Variants in GRIN2A observed in about 807,000 individuals in gnomAD.
GRIN2A encodes the protein glutamate receptor ionotropic, NMDA 2A.
A neutral mutation model predicts 113.4 loss-of-function variants in GRIN2A; 22 were observed. The observed-to-expected ratio is 0.19, with a 90% CI of 0.14 to 0.28. The LOEUF is 0.28. GRIN2A is among the 10% of genes least tolerant of loss of function. The pLI, the probability that GRIN2A is intolerant of heterozygous loss-of-function variation, is 1.00. For synonymous variants in GRIN2A, 827 were observed against 738.4 expected, an observed-to-expected ratio of 1.12 and a Z score of -1.94; for missense variants, 1,502 against 1,887.0, an observed-to-expected ratio of 0.80 and a Z score of 3.78.
intron 2 of GRIN2A, among the ~76,000 whole-genome samples, chr16:10,109,427 T>C (rs773504874): frequency 1.3e-5 from 2 of 151,942 alleles, no homozygotes; most frequent in African/African-American, 2.4e-5. Context: ...GTTATGAGGA[T>C]AGTATTACCC....
At chr16:9,926,355 G>A (rs911876185) in intron 3 of GRIN2A, among the ~76,000 whole-genome samples, 3 of 152,164 alleles carry the variant, frequency 2.0e-5, no homozygotes, top group Non-Finnish European at 2.9e-5. Context: ...GATTAGAGGC[G>A]CCTCTCCAAT....
At chr16:9,881,681 T>C (rs1053542899) in intron 4 of GRIN2A, among the ~76,000 whole-genome samples, 8 of 152,200 alleles carry the variant, frequency 5.3e-5, no homozygotes, top group Non-Finnish European at 8.8e-5. Flanking sequence ...GCCTCTGCTA[T>C]TGAATACCAG....
intron 2 of GRIN2A, among the ~76,000 whole-genome samples, chr16:9,967,982 G>A (rs1042322562): frequency 1.3e-5 from 2 of 152,132 alleles, no homozygotes; most frequent in South Asian, 2.1e-4. Flanking sequence ...TTATGACTGC[G>A]GTTGGAATTC....
chr16:9,948,743 G>T (rs1048545430), intron 2 of GRIN2A, among the ~76,000 whole-genome samples: 12 of 152,310 alleles, frequency 7.9e-5, no homozygotes, highest in African/African-American at 2.9e-4. Context: ...CTCACTCCTG[G>T]GAGAGAACTG....
At chr16:10,001,086 T>C (rs1047153857) in intron 2 of GRIN2A, among the ~76,000 whole-genome samples, 1 of 152,178 alleles carries the variant, frequency 6.6e-6, no homozygotes, top group Non-Finnish European at 1.5e-5. Flanking sequence ...ACCTTACCCG[T>C]GGGCCCCAAT....
At chr16:9,916,420 C>T (rs955686781) in intron 3 of GRIN2A, among the ~76,000 whole-genome samples, 4 of 152,116 alleles carry the variant, frequency 2.6e-5, no homozygotes, top group East Asian at 1.9e-4. Context: ...CTGAATCTGC[C>T]GGCACGTATA....
chr16:10,181,372 G>C (rs148390490), intron 1 of GRIN2A, among the ~76,000 whole-genome samples: 4 of 152,218 alleles, frequency 2.6e-5, no homozygotes, highest in African/African-American at 4.8e-5. Context: ...CCAGACGGAC[G>C]TGGACTGTAC....
At chr16:10,063,777 T>C (rs1004991192) in intron 2 of GRIN2A, among the ~76,000 whole-genome samples, 8 of 152,000 alleles carry the variant, frequency 5.3e-5, no homozygotes, top group Non-Finnish European at 1.2e-4. Flanking sequence ...GTCAAAATAA[T>C]AAAAAAGAAC....
chr16:9,963,302 A>G (rs968543613), intron 2 of GRIN2A, among the ~76,000 whole-genome samples: 6 of 152,102 alleles, frequency 3.9e-5, no homozygotes, highest in Admixed American at 3.9e-4. Context: ...TCCAGGATAC[A>G]TGTGTAGCAT....
rs2142393828 is a variant in GRIN2A at position 10,180,952 on chromosome 16, C to T, written c.-18-523G>A. ...CAGACCCCGCGTCCCAGCTTGAGAG[C>T]TCAGCTAGTTGGCTGACCCCGCCCC... is the stretch of plus-strand genomic sequence containing the variant. On this transcript the variant is annotated intron_variant, in intron 1 of 12. Coordinates refer to ENST00000330684, the MANE Select transcript of GRIN2A (RefSeq NM_001134407.3). The surrounding 1 kb of genome is among the most constrained non-coding windows in gnomAD (Gnocchi z 7.0). Among the ~76,000 whole-genome samples, 1 of 152,290 alleles carries T rather than the reference C, an allele frequency of 6.6e-6. No homozygotes were observed. Among genetic ancestry groups the T allele is most frequent in the South Asian group, 2.1e-4 (1 of 4,822 alleles).
intron 2 of GRIN2A, among the ~76,000 whole-genome samples, chr16:9,958,579 C>T (rs2045358414): frequency 1.3e-5 from 2 of 152,080 alleles, no homozygotes; most frequent in Non-Finnish European, 2.9e-5. Context: ...AAATAGTCTG[C>T]AAATTGGTAC....
chr16:9,808,388 G>A (rs559304985), intron 10 of GRIN2A, among the ~76,000 whole-genome samples: 2 of 152,202 alleles, frequency 1.3e-5, no homozygotes, highest in African/African-American at 4.8e-5. Flanking sequence ...CCATCATACT[G>A]TTAGTAGTGA....
intron 4 of GRIN2A, among the ~76,000 whole-genome samples, chr16:9,882,052 AAC>A (rs141535521): frequency 2.2e-4 from 33 of 149,712 alleles, no homozygotes; most frequent in East Asian, 5.9e-4. Flanking sequence ...ACACACACAC[AAC>A]ACACACACAC....
intron 10 of GRIN2A, among the ~76,000 whole-genome samples, chr16:9,817,697 G>T (rs2042210628): frequency 6.6e-6 from 1 of 152,238 alleles, no homozygotes; most frequent in South Asian, 2.1e-4. Context: ...ACCCAGCTGG[G>T]ACTGTCACTT....
chr16:10,134,812 T>C (rs1021525299), intron 2 of GRIN2A, among the ~76,000 whole-genome samples: 1 of 152,184 alleles, frequency 6.6e-6, no homozygotes, highest in East Asian at 1.9e-4. Context: ...CTTTCCTAGA[T>C]AATCCTAATA....
intron 4 of GRIN2A, among the ~76,000 whole-genome samples, chr16:9,886,047 A>C (rs1433437351): frequency 6.6e-6 from 1 of 152,266 alleles, no homozygotes; most frequent in East Asian, 1.9e-4. Flanking sequence ...CTTGTGTACC[A>C]GCTCCCTGGA....
intron 2 of GRIN2A, among the ~76,000 whole-genome samples, chr16:10,013,622 C>T (rs1395182394): frequency 6.6e-6 from 1 of 152,170 alleles, no homozygotes; most frequent in Non-Finnish European, 1.5e-5. Context: ...TCTCTCTGTG[C>T]TCATTCTGTC....
chr16:10,062,189 C>G (rs1250607121), intron 2 of GRIN2A, among the ~76,000 whole-genome samples: 2 of 152,144 alleles, frequency 1.3e-5, no homozygotes, highest in Non-Finnish European at 2.9e-5. Flanking sequence ...CTACCTAAGG[C>G]AGGAGTTGAT....
chr16:10,037,924 C>T (rs1313541437), intron 2 of GRIN2A, among the ~76,000 whole-genome samples: 2 of 152,140 alleles, frequency 1.3e-5, no homozygotes, highest in African/African-American at 2.4e-5. Flanking sequence ...TGGCTCTACT[C>T]CCATTTCTAA....
Sources: allele counts gnomAD v4.1 joint callset (sites outside exome capture counted in the v4.1 genomes callset), GRCh38; gene constraint gnomAD v4.1.1; non-coding constraint Gnocchi (gnomAD v3.1); transcripts MANE v1.5; gene names NCBI Gene and HGNC (gene_info 2026-07-23, HGNC 2026-07-21).